Variants in RPS6KC1 observed in about 807,000 individuals in gnomAD.
RPS6KC1 encodes inactive ribosomal protein S6 kinase delta-1.
RPS6KC1 carries 54 observed loss-of-function variants against 103.8 expected under a neutral mutation model. That is an observed-to-expected ratio of 0.52 (90% CI 0.42 to 0.65). The LOEUF (loss-of-function observed/expected upper bound fraction) is 0.65. Ranked by LOEUF, RPS6KC1 falls within the 30% of genes least tolerant of loss-of-function variation. The pLI, the probability that RPS6KC1 is intolerant of heterozygous loss-of-function variation, is 0.00. For missense variants in RPS6KC1, 1,151 were observed against 1,253.8 expected (o/e 0.92, Z 1.24); for synonymous variants, 439 against 438.7 (o/e 1.00, Z -0.01).
chr1:213,677,489 T>C, the RPS6KC1 span, among the ~76,000 whole-genome samples: 1 of 152,096 alleles, frequency 6.6e-6, no homozygotes, highest in Non-Finnish European at 1.5e-5. Context: ...AGAAGAAGAA[T>C]AAAAGTAAAA....
the RPS6KC1 span, among the ~76,000 whole-genome samples, chr1:213,597,069 CAT>C: frequency 2.0e-5 from 3 of 152,298 alleles, no homozygotes; most frequent in Middle Eastern, 3.4e-3. Flanking sequence ...GGATGGCATA[CAT>C]ACCCGAACAA....
At chr1:213,628,337 G>T in the RPS6KC1 span, among the ~76,000 whole-genome samples, 3 of 151,874 alleles carry the variant, frequency 2.0e-5, no homozygotes, top group Admixed American at 6.6e-5. Flanking sequence ...TCTTGCTAGC[G>T]GTCTATCAAT....
chr1:213,076,693 TGTC>T (rs1484123632), intron 2 of RPS6KC1, among the ~76,000 whole-genome samples: 1 of 151,924 alleles, frequency 6.6e-6, no homozygotes, highest in Non-Finnish European at 1.5e-5. Context: ...CTTTTTTACA[TGTC>T]GTCTAATCTA....
the RPS6KC1 span, among the ~76,000 whole-genome samples, chr1:213,600,924 G>A: frequency 6.6e-6 from 1 of 152,258 alleles, no homozygotes; most frequent in Non-Finnish European, 1.5e-5. Context: ...TTTGTGAGAA[G>A]CCTGAGAAAG....
chr1:213,270,861 G>C (rs2095031910), intron 14 of RPS6KC1, among the ~76,000 whole-genome samples: 1 of 152,036 alleles, frequency 6.6e-6, no homozygotes, highest in South Asian at 2.1e-4. Context: ...AGTTGTTAGG[G>C]GATGTAAATT....
At chr1:213,362,665 GT>G in the RPS6KC1 span, among the ~76,000 whole-genome samples, 4 of 152,322 alleles carry the variant, frequency 2.6e-5, no homozygotes, top group South Asian at 8.3e-4. Context: ...TTAATTTTAT[GT>G]GTCAACTTGG....
the RPS6KC1 span, among the ~76,000 whole-genome samples, chr1:213,719,309 A>G: frequency 2.6e-5 from 4 of 152,210 alleles, no homozygotes; most frequent in African/African-American, 7.2e-5. Context: ...GAGGAACCGG[A>G]GTACAAGGGT....
chr1:213,606,241 A>T, the RPS6KC1 span, among the ~76,000 whole-genome samples: 1 of 152,158 alleles, frequency 6.6e-6, no homozygotes, highest in Non-Finnish European at 1.5e-5. Context: ...AGAGGAAAAA[A>T]ACCCTCTTAT....
At chr1:213,772,428 ATG>A in the RPS6KC1 span, among the ~76,000 whole-genome samples, 1 of 152,232 alleles carries the variant, frequency 6.6e-6, no homozygotes, top group Non-Finnish European at 1.5e-5. Context: ...TAGAAAGATA[ATG>A]TGTCATTTGC....
At chr1:213,087,248 CATTT>C (rs1222830299) in intron 3 of RPS6KC1, among the ~76,000 whole-genome samples, 2 of 152,098 alleles carry the variant, frequency 1.3e-5, no homozygotes, top group Non-Finnish European at 2.9e-5. Context: ...TCTTTTGTGG[CATTT>C]ATTTGTCTAT....
chr1:213,722,487 C>G, the RPS6KC1 span, among the ~76,000 whole-genome samples: 1 of 152,186 alleles, frequency 6.6e-6, no homozygotes, highest in African/African-American at 2.4e-5. Context: ...TCAGACTCTC[C>G]TCTCTTCTCT....
At chr1:213,646,706 C>A in the RPS6KC1 span, among the ~76,000 whole-genome samples, 1 of 151,840 alleles carries the variant, frequency 6.6e-6, no homozygotes, top group East Asian at 1.9e-4. Context: ...AGGGAGGAAA[C>A]GGAACACCCC....
At chr1:213,840,330 A>G in the RPS6KC1 span, 1 of 152,196 alleles carries the variant, frequency 6.6e-6, no homozygotes, top group South Asian at 2.1e-4. Flanking sequence ...GCAAAGATTC[A>G]TTCTTCTACA....
chr1:213,601,524 C>T, the RPS6KC1 span, among the ~76,000 whole-genome samples: 1,005 of 150,704 alleles, frequency 6.7e-3, 17 homozygotes, highest in African/African-American at 0.023. Context: ...CATGCTGCTC[C>T]GACACTTGGC....
chr1:213,447,287 C>A, the RPS6KC1 span, among the ~76,000 whole-genome samples: 1 of 151,950 alleles, frequency 6.6e-6, no homozygotes, highest in Non-Finnish European at 1.5e-5. Context: ...AGGCTGGTCT[C>A]AAACTTCTGG....
At chr1:213,708,930 A>G in the RPS6KC1 span, among the ~76,000 whole-genome samples, 8 of 152,250 alleles carry the variant, frequency 5.3e-5, no homozygotes, top group East Asian at 1.9e-4. Flanking sequence ...AAGCTTTTCA[A>G]TGTGTTGCTG....
At chr1:213,848,086 G>T in the RPS6KC1 span, among the ~76,000 whole-genome samples, 2 of 152,258 alleles carry the variant, frequency 1.3e-5, no homozygotes, top group African/African-American at 4.8e-5. Flanking sequence ...CAGTAATCCA[G>T]ATTGGGTAGA....
the RPS6KC1 span, among the ~76,000 whole-genome samples, chr1:213,831,891 C>A: frequency 6.6e-6 from 1 of 152,286 alleles, no homozygotes; most frequent in African/African-American, 2.4e-5. Context: ...CAGCCCCTAC[C>A]TGGCTTCCTC....
At chr1:213,569,021 A>G in the RPS6KC1 span, among the ~76,000 whole-genome samples, 15 of 152,204 alleles carry the variant, frequency 9.9e-5, no homozygotes, top group Admixed American at 1.3e-4. Flanking sequence ...GCCCTCGACC[A>G]GCACCTAACT....
Sources: gnomAD v4.1 joint callset for allele counts (sites outside exome capture counted in the v4.1 genomes callset) on GRCh38, gnomAD v4.1.1 for gene constraint, MANE v1.5 for transcripts, NCBI Gene and HGNC (gene_info 2026-07-23, HGNC 2026-07-21) for gene names.